WDFY4: variants seen among roughly 807,000 people sequenced by gnomAD.
The protein encoded by WDFY4 is WDFY family member 4, also known as WD repeat- and FYVE domain-containing protein 4.
WDFY4 carries 169 observed loss-of-function variants against 351.9 expected under a neutral mutation model. The ratio of observed to expected loss-of-function variants is 0.48; its 90% confidence interval spans 0.42 to 0.55. WDFY4 has a LOEUF of 0.55. Among genes scored for constraint, WDFY4 ranks in the 20% least tolerant of loss-of-function variants. The pLI is 0.00. For synonymous variants in WDFY4, 1,622 were observed against 1,574.6 expected, an observed-to-expected ratio of 1.03 and a Z score of -0.71; for missense variants, 3,803 against 3,935.6, an observed-to-expected ratio of 0.97 and a Z score of 0.90.
intron 13 of WDFY4, among the ~76,000 whole-genome samples, chr10:48,761,743 T>G (rs1421860180): frequency 6.6e-6 from 1 of 152,142 alleles, no homozygotes; most frequent in African/African-American, 2.4e-5. Flanking sequence ...TGGGCAGAGT[T>G]GAGGAAGGCC....
At chr10:48,760,579 T>A in intron 13 of WDFY4, 139 bp downstream of exon 13, 3 of 811,188 alleles carry the variant, frequency 3.7e-6, no homozygotes, top group Non-Finnish European at 3.9e-6. Context: ...GGGAAACACC[T>A]ATAGTGGGAA....
At chr10:48,944,838 TAA>T (rs1253891654) in intron 49 of WDFY4, among the ~76,000 whole-genome samples, 1 of 152,300 alleles carries the variant, frequency 6.6e-6, no homozygotes, top group South Asian at 2.1e-4. Context: ...ATTTCTCCTT[TAA>T]AAAAATCTGG....
intron 12 of WDFY4, among the ~76,000 whole-genome samples, chr10:48,748,050 G>A (rs2065066385): frequency 6.6e-6 from 1 of 152,178 alleles, no homozygotes; most frequent in Non-Finnish European, 1.5e-5. Context: ...CCCTCTCTGG[G>A]TTCCCTGTTC....
At chr10:48,836,872 G>T (rs2068416847) in intron 39 of WDFY4, among the ~76,000 whole-genome samples, 1 of 152,130 alleles carries the variant, frequency 6.6e-6, no homozygotes, top group South Asian at 2.1e-4. Context: ...AATCCAGACT[G>T]CACAGGGTGG....
At chr10:48,949,047 C>T (rs1275179968) in intron 51 of WDFY4, among the ~76,000 whole-genome samples, 1 of 152,196 alleles carries the variant, frequency 6.6e-6, no homozygotes. Flanking sequence ...GGTCTAAACC[C>T]ATGTGAGAGG....
At chr10:48,964,877 G>A (rs563232856) in intron 54 of WDFY4, among the ~76,000 whole-genome samples, 6 of 152,152 alleles carry the variant, frequency 3.9e-5, no homozygotes, top group Non-Finnish European at 8.8e-5. Context: ...ATGAGGACTC[G>A]GGGTGGGGAG....
intron 12 of WDFY4, among the ~76,000 whole-genome samples, chr10:48,748,503 C>G (rs775569730): frequency 6.6e-5 from 10 of 152,122 alleles, no homozygotes; most frequent in African/African-American, 9.7e-5. Flanking sequence ...CTGATACTCC[C>G]ACAATAATAG....
At chr10:48,892,411 G>A (rs545822558) in intron 44 of WDFY4, among the ~76,000 whole-genome samples, 3 of 152,210 alleles carry the variant, frequency 2.0e-5, no homozygotes, top group African/African-American at 4.8e-5. Context: ...TACTTCTCTA[G>A]AATGCAAGCA....
intron 1 of WDFY4, among the ~76,000 whole-genome samples, chr10:48,694,168 T>G (rs2063270033): frequency 6.6e-6 from 1 of 152,166 alleles, no homozygotes; most frequent in African/African-American, 2.4e-5. Context: ...ATATAAAGGA[T>G]CCTGCAAAGT....
At chr10:48,935,142 G>A (rs542352189) in intron 47 of WDFY4, 2 of 152,326 alleles carry the variant, frequency 1.3e-5, no homozygotes, top group South Asian at 2.1e-4. Context: ...AAAGTAAATC[G>A]ATAAGCGCAG....
At chr10:48,965,782 T>TAGATATAGATTATATCTGTATC (rs1842048730) in intron 54 of WDFY4, among the ~76,000 whole-genome samples, 2 of 152,246 alleles carry the variant, frequency 1.3e-5, no homozygotes, top group Non-Finnish European at 2.9e-5. Context: ...CTATATCAGT[T>TAGATATAGATTATATCTGTATC]AGATATAGAT....
At chr10:48,816,396 T>C (rs1760986444) in intron 31 of WDFY4, among the ~76,000 whole-genome samples, 1 of 152,266 alleles carries the variant, frequency 6.6e-6, no homozygotes. Context: ...ACTGTAGTGT[T>C]AAAGCTCTCT....
At chr10:48,914,474 C>T (rs1428132316) in intron 47 of WDFY4, among the ~76,000 whole-genome samples, 4 of 152,256 alleles carry the variant, frequency 2.6e-5, no homozygotes, top group Admixed American at 2.0e-4. Flanking sequence ...CACTAAATGT[C>T]CCTCTAGCTG....
chr10:48,855,873 T>C (rs1259917252), intron 39 of WDFY4, among the ~76,000 whole-genome samples: 1 of 152,098 alleles, frequency 6.6e-6, no homozygotes, highest in Non-Finnish European at 1.5e-5. Context: ...CTCCATTCAT[T>C]ATTAATTATT....
At chr10:48,825,118 C>G (rs2067951277) in intron 35 of WDFY4, among the ~76,000 whole-genome samples, 1 of 152,190 alleles carries the variant, frequency 6.6e-6, no homozygotes, top group Admixed American at 6.5e-5. Context: ...CTCCCCACCC[C>G]ACCCACTGAC....
chr10:48,728,381 G>C (rs1206369770), intron 7 of WDFY4, among the ~76,000 whole-genome samples: 3 of 152,332 alleles, frequency 2.0e-5, no homozygotes, highest in African/African-American at 7.2e-5. Context: ...GACAGCAAGG[G>C]ATGGAAATCA....
rs2067775396 is a variant in WDFY4 at position 48,820,334 on chromosome 10, C to T, written c.5606C>T (p.Pro1869Leu). 6 of 1,551,646 alleles carry T rather than the reference C, an allele frequency of 3.9e-6. No individual in the cohort carries two copies. The Admixed American group carries it at 5.9e-5, about 15-fold the overall frequency. The change falls in exon 33 of 62, where the codon CCC (proline) becomes CTC (leucine). Residue 1869 changes from proline to leucine, a missense_variant. Transcript: ENST00000325239. Reference sequence around the variant, plus strand: ...CTCCAGGCTCCCACCAAGGCACATCCCGCCCGGAGGAAGCTGAGGGAGTTC... The same window carrying T: ...CTCCAGGCTCCCACCAAGGCACATCTCGCCCGGAGGAAGCTGAGGGAGTTC... ...EGLQAPTKAHPARRKLREFTQ... is the reference protein window; with the variant it reads ...EGLQAPTKAHLARRKLREFTQ...
chr10:48,914,301 G>C lies in WDFY4; in HGVS notation c.7586+12438G>C, dbSNP rs79638149. On this transcript the variant is annotated intron_variant, in intron 47 of 61. Coordinates refer to ENST00000325239, the MANE Select transcript of WDFY4 (RefSeq NM_001394531.1). The stretch of plus-strand genomic sequence containing the variant: ...GCACTGGGCTCCCCCACGTCATGAC[G>C]CTTTGCTCTTCAGTGGTTTAAAAAG... 121 of 849,898 alleles carry C rather than the reference G, an allele frequency of 1.4e-4. No individual in the cohort carries two copies. The African/African-American group carries it at 1.9e-3, about 13-fold the overall frequency. 52.6% of individuals were successfully genotyped at this position (849,898 alleles called of 1,614,324 possible). A position where few individuals can be genotyped will look rare whatever the true frequency, so the allele number is the denominator to read the frequency against.
chr10:48,734,496 G>A (rs1488848513), intron 10 of WDFY4, among the ~76,000 whole-genome samples: 1 of 148,158 alleles, frequency 6.7e-6, no homozygotes, highest in Non-Finnish European at 1.5e-5. Flanking sequence ...AGATCATGTG[G>A]CTTCTGGGTT....
Sources: gnomAD v4.1 joint callset for allele counts (sites outside exome capture counted in the v4.1 genomes callset) on GRCh38, gnomAD v4.1.1 for gene constraint, MANE v1.5 for transcripts, NCBI Gene and HGNC (gene_info 2026-07-23, HGNC 2026-07-21) for gene names.